GPC3: variants seen among roughly 807,000 people sequenced by gnomAD.
The protein encoded by GPC3 is glypican 3.
GPC3 carries 3 observed loss-of-function variants against 34.4 expected under a neutral mutation model. The ratio of observed to expected loss-of-function variants is 0.09; its 90% CI spans 0.04 to 0.23. The LOEUF is 0.23. Among genes scored for constraint, GPC3 ranks in the 10% least tolerant of loss-of-function variants. GPC3 has a pLI of 1.00. For missense variants in GPC3, 351 were observed against 445.6 expected (o/e 0.79, Z 1.91); for synonymous variants, 177 against 174.0 (o/e 1.02, Z -0.13).
At chrX:133,886,459 T>C (rs2076062273) in intron 2 of GPC3, among the ~76,000 whole-genome samples, 1 of 111,863 alleles carries the variant, frequency 8.9e-6, no homozygotes, top group African/African-American at 3.2e-5. Flanking sequence ...TAATTGCATA[T>C]ATTTATGGGG....
intron 3 of GPC3, among the ~76,000 whole-genome samples, chrX:133,732,933 C>T (rs1288192098): frequency 9.0e-6 from 1 of 110,839 alleles, no homozygotes; most frequent in African/African-American, 3.3e-5. Context: ...GTGGCACAAT[C>T]GGCTCACTGC....
intron 2 of GPC3, among the ~76,000 whole-genome samples, chrX:133,836,560 T>C (rs999329995): frequency 1.8e-5 from 2 of 111,647 alleles, no homozygotes; most frequent in Non-Finnish European, 3.8e-5. Flanking sequence ...TCAATCAAGT[T>C]AGTTATTTTT....
intron 2 of GPC3, among the ~76,000 whole-genome samples, chrX:133,904,217 T>G: frequency 8.9e-6 from 1 of 112,163 alleles, no homozygotes; most frequent in Non-Finnish European, 1.9e-5. Context: ...CTCATCATTT[T>G]TTTTCTTTGA....
At chrX:133,923,959 C>T (rs1019499065) in intron 2 of GPC3, among the ~76,000 whole-genome samples, 1 of 111,535 alleles carries the variant, frequency 9.0e-6, no homozygotes, top group African/African-American at 3.3e-5. Context: ...GGTTGTTCTC[C>T]GTCCTATAAA....
At chrX:133,789,305 G>A (rs2072137922) in intron 2 of GPC3, among the ~76,000 whole-genome samples, 1 of 111,874 alleles carries the variant, frequency 8.9e-6, no homozygotes, top group Non-Finnish European at 1.9e-5. Flanking sequence ...GCATTACCCA[G>A]TGAGTTAGTT....
intron 7 of GPC3, among the ~76,000 whole-genome samples, chrX:133,537,383 A>C (rs2069303440): frequency 8.9e-6 from 1 of 111,767 alleles, no homozygotes; most frequent in Admixed American, 9.6e-5. Flanking sequence ...GGCACAGAGG[A>C]AATGACTGGG....
intron 2 of GPC3, among the ~76,000 whole-genome samples, chrX:133,876,531 T>TCA (rs1395668458): frequency 8.9e-6 from 1 of 112,312 alleles, no homozygotes; most frequent in African/African-American, 3.2e-5. Flanking sequence ...AACAATGTTA[T>TCA]CACATTTATT....
chrX:133,595,150 T>C (rs1603182523), intron 7 of GPC3, among the ~76,000 whole-genome samples: 2 of 111,297 alleles, frequency 1.8e-5, no homozygotes, highest in Non-Finnish European at 3.8e-5. Context: ...AGAAGGGACA[T>C]CCGGATAATA....
chrX:133,646,420 C>A (rs912191907), intron 6 of GPC3, among the ~76,000 whole-genome samples: 1 of 111,778 alleles, frequency 8.9e-6, no homozygotes. Context: ...AGGGAAAGCA[C>A]GAGAAAGCTA....
chrX:133,576,300 G>A (rs2069680467), intron 7 of GPC3, among the ~76,000 whole-genome samples: 1 of 111,252 alleles, frequency 9.0e-6, no homozygotes, highest in African/African-American at 3.3e-5. Context: ...CTGGAGTGCA[G>A]TGCTGCGATA....
chrX:133,924,879 C>T (rs982355164), intron 2 of GPC3, among the ~76,000 whole-genome samples: 1 of 110,224 alleles, frequency 9.1e-6, no homozygotes, highest in African/African-American at 3.3e-5. Flanking sequence ...GAAAAGTATT[C>T]GTGGAAACAG....
intron 5 of GPC3, among the ~76,000 whole-genome samples, chrX:133,674,385 G>GC (rs1374476564): frequency 9.0e-6 from 1 of 111,312 alleles, no homozygotes; most frequent in Non-Finnish European, 1.9e-5. Flanking sequence ...ATGGGTCAAG[G>GC]CATGAGTAGG....
At chrX:133,880,604 A>G (rs1184334434) in intron 2 of GPC3, among the ~76,000 whole-genome samples, 5 of 112,171 alleles carry the variant, frequency 4.5e-5, no homozygotes, top group African/African-American at 1.6e-4. Context: ...TCTATTTGAT[A>G]ACAAGGAAAA....
At chrX:133,545,831 A>G (rs1000321097) in intron 7 of GPC3, among the ~76,000 whole-genome samples, 17 of 111,713 alleles carry the variant, frequency 1.5e-4, no homozygotes, top group Non-Finnish European at 3.0e-4. Flanking sequence ...AATAGCTGAA[A>G]GGTGGAAAGA....
chrX:133,538,654 TTTTG>T (rs201424790), intron 7 of GPC3, among the ~76,000 whole-genome samples: 298 of 105,661 alleles, frequency 2.8e-3, no homozygotes, highest in African/African-American at 9.6e-3. Flanking sequence ...CCTCTTCTGA[TTTTG>T]TTTGTTTTTT....
At position 133,587,967 on chromosome X, in the gene GPC3, A is replaced by T. The variant is rs150642096; in HGVS notation, c.1573+8473T>A. 2.9e-3 allele frequency among the ~76,000 whole-genome samples: 325 copies of T among 111,601 alleles called. 1 individual carries two copies. The highest frequency in any genetic ancestry group is 0.01 in the African/African-American group (309 of 30,692). On this transcript the variant is annotated intron_variant, in intron 7 of 7. Coordinates refer to ENST00000370818, the MANE Select transcript of GPC3 (RefSeq NM_004484.4). ...GTAGAAGTGACGCCCTTCCCTTTAG[A>T]TCTCAAACTTCAACAGTCTAAGGGT...
At chrX:133,676,245 T>C (rs1455351916) in intron 5 of GPC3, among the ~76,000 whole-genome samples, 1 of 112,378 alleles carries the variant, frequency 8.9e-6, no homozygotes, top group African/African-American at 3.2e-5. Context: ...CTGCTCTTTC[T>C]ATAGTCTTCC....
At chrX:133,767,564 G>C (rs1227085050) in intron 2 of GPC3, among the ~76,000 whole-genome samples, 2 of 111,638 alleles carry the variant, frequency 1.8e-5, no homozygotes, top group Non-Finnish European at 3.8e-5. Flanking sequence ...GATCTTGACA[G>C]TTTCTTAGGA....
intron 2 of GPC3, among the ~76,000 whole-genome samples, chrX:133,937,097 C>T (rs1206458282): frequency 9.1e-6 from 1 of 110,185 alleles, no homozygotes; most frequent in Admixed American, 9.8e-5. Context: ...TCTGGTCTAA[C>T]CCTACATCTT....
Sources: gnomAD v4.1 joint callset for allele counts (sites outside exome capture counted in the v4.1 genomes callset) on GRCh38, gnomAD v4.1.1 for gene constraint, MANE v1.5 for transcripts, NCBI Gene and HGNC (gene_info 2026-07-23, HGNC 2026-07-21) for gene names.